Variants in NCAPD3 observed in about 807,000 individuals in gnomAD.
NCAPD3 encodes non-SMC condensin II complex subunit D3.
In NCAPD3, 105 loss-of-function variants were observed where a neutral mutation model predicts 182.9. That is an observed-to-expected ratio of 0.57 (90% CI 0.49 to 0.68). The LOEUF (loss-of-function observed/expected upper bound fraction) is 0.68, where lower values mean the gene tolerates loss of function less well. Among genes scored for constraint, NCAPD3 ranks in the 30% least tolerant of loss-of-function variants. The pLI is 0.00. For synonymous variants in NCAPD3, 815 were observed against 679.9 expected, an observed-to-expected ratio of 1.20 and a Z score of -3.09; for missense variants, 1,944 against 1,837.0, an observed-to-expected ratio of 1.06 and a Z score of -1.07.
chr11:134,178,905 G>A lies in NCAPD3; in HGVS notation c.2591C>T (p.Ala864Val). The A allele has an allele frequency of 6.2e-7, 1 of 1,614,036 alleles. No individual in the cohort carries two copies. Among genetic ancestry groups the A allele is most frequent in the Non-Finnish European group, 8.5e-7 (1 of 1,179,948 alleles). ...VKYIFTLGDI[A>V]QLCPARVEKR... ...CTCCACCCTGGCTGGACACAGCTGGGCTATATCCCCTAAGGTAAAAATGTA... is the reference window on the plus strand; with the variant it reads ...CTCCACCCTGGCTGGACACAGCTGGACTATATCCCCTAAGGTAAAAATGTA... The change falls in exon 21 of 35, where the codon GCC (alanine) becomes GTC (valine). Residue 864 changes from alanine (A) to valine (V), a missense_variant. Around this residue, in one of 3 missense-constraint regions of NCAPD3, gnomAD observed 1,803 missense variants for 1,674.6 expected, o/e 1.08. Coordinates refer to ENST00000534548, the MANE Select transcript of NCAPD3 (RefSeq NM_015261.3).
chr11:134,187,800 G>T (rs1459866219), intron 16 of NCAPD3, among the ~76,000 whole-genome samples: 1 of 152,158 alleles, frequency 6.6e-6, no homozygotes, highest in African/African-American at 2.4e-5. Flanking sequence ...AGAGCAACTG[G>T]AGGAGAGGAA....
At chr11:134,176,528 T>C (rs1009877651) in intron 23 of NCAPD3, 142 bp from the exon 24 acceptor site, 21 of 674,588 alleles carry the variant, frequency 3.1e-5, no homozygotes, top group Non-Finnish European at 5.0e-5. Flanking sequence ...ACCGTCGGAA[T>C]GTAGTGCCGA....
In NCAPD3 at chr11:134,158,368, G is replaced by T; in HGVS notation, c.3995C>A (p.Pro1332His). The T allele has an allele frequency of 1.2e-6, 2 of 1,614,216 alleles. No homozygotes were observed. The highest frequency in any genetic ancestry group is 1.7e-5 in the Admixed American group (1 of 60,024). The change falls in exon 30 of 35, where the codon CCT (proline) becomes CAT (histidine). Residue 1332 changes from proline (P) to histidine (H), a missense_variant. Around this residue, in one of 3 missense-constraint regions of NCAPD3, gnomAD observed 1,803 missense variants for 1,674.6 expected, o/e 1.08. Coordinates refer to ENST00000534548, the MANE Select transcript of NCAPD3 (RefSeq NM_015261.3). The part of the protein sequence containing the change: ...AGHVAVSSPT[P>H]ETGPLQRLLP... ...CAACCTCTGCAATGGCCCTGTTTCA[G>T]GTGTAGGAGATGATACTGCTACATG...
At chr11:134,166,374 G>A (rs1429372375) in intron 27 of NCAPD3, among the ~76,000 whole-genome samples, 2 of 13,198 alleles carry the variant, frequency 1.5e-4, no homozygotes, top group Non-Finnish European at 2.5e-4. Context: ...ACTCACTTGT[G>A]AGATGAGCTT....
chr11:134,163,745 G>A (rs1248225879), intron 27 of NCAPD3, among the ~76,000 whole-genome samples: 19 of 150,348 alleles, frequency 1.3e-4, no homozygotes, highest in Admixed American at 9.3e-4. Flanking sequence ...AGTGGCAGGG[G>A]CCTGTAGTCC....
chr11:134,185,558 G>C (rs1218471157), intron 16 of NCAPD3, 32 bp from the exon 17 acceptor site: 6 of 1,528,012 alleles, frequency 3.9e-6, no homozygotes, highest in Non-Finnish European at 5.3e-6. Context: ...AAGCAGAATT[G>C]CAACTGTAAA....
chr11:134,196,379 C>G (rs1339900606), intron 13 of NCAPD3, among the ~76,000 whole-genome samples: 30 of 152,092 alleles, frequency 2.0e-4, no homozygotes, highest in Admixed American at 2.0e-3. Context: ...CGCGGTGGCT[C>G]ACGCCTGTAA....
Position 134,204,922 on chromosome 11 carries a change from A to G in NCAPD3, c.1066T>C (p.Leu356=). The change falls in exon 9 of 35, where the codon TTA becomes CTA. Residue 356 remains leucine (L), a synonymous_variant. Coordinates refer to ENST00000534548, the MANE Select transcript of NCAPD3 (RefSeq NM_015261.3). The surrounding 1 kb of genome is among the most constrained non-coding windows in gnomAD (Gnocchi z 4.3). The part of the protein sequence containing the change: ...KESIFPVVRI[L]LQHICAKVVD... Reference sequence around the variant, plus strand: ...ACCTTGGCACAGATGTGCTGCAGTAAGATACGGACGACTGGGAATATACTC... The same window carrying G: ...ACCTTGGCACAGATGTGCTGCAGTAGGATACGGACGACTGGGAATATACTC... 1.2e-6 allele frequency: 2 copies of G among 1,613,732 alleles called. No individual in the cohort carries two copies. The highest frequency in any genetic ancestry group is 1.7e-6 in the Non-Finnish European group (2 of 1,179,656).
At position 134,209,159 on chromosome 11, in the gene NCAPD3, A is replaced by T; in HGVS notation, c.780T>A (p.His260Gln). 1 of 1,613,580 alleles carries T rather than the reference A, an allele frequency of 6.2e-7. No homozygotes were observed. Among genetic ancestry groups the T allele is most frequent in the African/African-American group, 1.3e-5 (1 of 75,014 alleles). The change falls in exon 6 of 35, where the codon CAT (histidine) becomes CAA (glutamine). Residue 260 changes from histidine to glutamine, a missense_variant. Around this residue, in one of 3 missense-constraint regions of NCAPD3, gnomAD observed 1,803 missense variants for 1,674.6 expected, o/e 1.08. Transcript: ENST00000534548. ...TNFEPVLHEC[H>Q]VTQARALNQA... is the part of the protein sequence containing the mutation. ...TAATGGCTCACCTGGCTTGTGTAAC[A>T]TGACATTCATGAAGAACTGGCTCAA...
chr11:134,195,909 G>A (rs1944617864), intron 13 of NCAPD3, among the ~76,000 whole-genome samples: 1 of 152,168 alleles, frequency 6.6e-6, no homozygotes, highest in South Asian at 2.1e-4. Context: ...AAATCAGAGT[G>A]TGGAAGGCAA....
chr11:134,183,136 T>C (rs1944331891), intron 19 of NCAPD3: 1 of 456,202 alleles, frequency 2.2e-6, no homozygotes, highest in African/African-American at 2.0e-5. Context: ...GTACACATGA[T>C]TCTTTTTCCA....
chr11:134,180,222 C>T (rs765072169), intron 20 of NCAPD3, among the ~76,000 whole-genome samples: 1 of 152,048 alleles, frequency 6.6e-6, no homozygotes, highest in Non-Finnish European at 1.5e-5. Flanking sequence ...CACAGTAGTG[C>T]CTCAGGCTCA....
At chr11:134,225,167 T>A (rs769000747), upstream of NCAPD3, 3 of 1,613,750 alleles carry the variant, frequency 1.9e-6, no homozygotes, top group African/African-American at 2.7e-5. Flanking sequence ...TGGAAATCCT[T>A]CTGAACGATG....
intron 13 of NCAPD3, among the ~76,000 whole-genome samples, chr11:134,199,795 T>C (rs1944710716): frequency 1.3e-5 from 2 of 152,222 alleles, no homozygotes; most frequent in Admixed American, 6.5e-5. Context: ...GAAGAACTCA[T>C]GAGGACTGAA....
intron 24 of NCAPD3, among the ~76,000 whole-genome samples, chr11:134,170,006 T>C (rs1465447858): frequency 2.0e-5 from 3 of 152,210 alleles, no homozygotes; most frequent in African/African-American, 7.2e-5. Flanking sequence ...CTGGAGGGCA[T>C]TGGGACTGTG....
At chr11:134,202,738 C>T in intron 13 of NCAPD3, 78 bp downstream of exon 13, 1 of 1,091,300 alleles carries the variant, frequency 9.2e-7, no homozygotes, top group Non-Finnish European at 1.3e-6. Context: ...AAAAAAAAAT[C>T]CAAGGTTTTA....
intron 13 of NCAPD3, among the ~76,000 whole-genome samples, chr11:134,196,763 G>A (rs916091521): frequency 1.3e-5 from 2 of 151,830 alleles, no homozygotes; most frequent in Non-Finnish European, 2.9e-5. Context: ...ACTTAGTGGA[G>A]AATTCTAACA....
chr11:134,186,926 T>C (rs191508013), intron 16 of NCAPD3, among the ~76,000 whole-genome samples: 51 of 152,318 alleles, frequency 3.3e-4, no homozygotes, highest in Admixed American at 2.8e-3. Context: ...TACCACAAGA[T>C]ATAAGCAATG....
rs1943910767 is a variant in NCAPD3 at position 134,168,075 on chromosome 11, TTGTC to T, written c.3490_3493del (p.Asp1164LysfsTer15). 3 of 1,614,158 alleles carry T rather than the reference TTGTC, an allele frequency of 1.9e-6. No homozygotes were observed. Among genetic ancestry groups the T allele is most frequent in the Non-Finnish European group, 2.5e-6 (3 of 1,179,992 alleles). On this transcript the variant is annotated frameshift_variant, in exon 27 of 35. Coordinates refer to ENST00000534548, the MANE Select transcript of NCAPD3 (RefSeq NM_015261.3). LOFTEE classifies it high-confidence loss of function. The stretch of plus-strand genomic sequence containing the variant: ...GTCATCTTCTTCCATAAGGAGGTCT[TTGTC>T]TGGTTTAGATCTCATTGCCAAAAGC...
Sources: allele counts gnomAD v4.1 joint callset (sites outside exome capture counted in the v4.1 genomes callset), GRCh38; gene constraint gnomAD v4.1.1; regional missense constraint gnomAD v4.1.1; non-coding constraint Gnocchi (gnomAD v3.1); transcripts MANE v1.5; gene names NCBI Gene and HGNC (gene_info 2026-07-23, HGNC 2026-07-21).